Variants in PCDHGA1 observed in about 807,000 individuals in gnomAD.
PCDHGA1 encodes protocadherin gamma-A1.
Under a neutral mutation model 58.0 loss-of-function variants are expected in PCDHGA1, and 32 were observed. The ratio of observed to expected loss-of-function variants is 0.55; its 90% CI spans 0.42 to 0.74. PCDHGA1 has a LOEUF of 0.74. PCDHGA1 is among the 30% of genes least tolerant of loss of function. PCDHGA1 has a pLI of 0.00. For synonymous variants in PCDHGA1, 498 were observed against 501.1 expected (o/e 0.99, Z 0.08); for missense variants, 1,205 against 1,182.3 (o/e 1.02, Z -0.28).
At chr5:141,410,701 A>C in intron 1 of PCDHGA1, 2 of 1,471,660 alleles carry the variant, frequency 1.4e-6, no homozygotes, top group Non-Finnish European at 9.1e-7. Context: ...TTATTTTCAT[A>C]TCTAGAATCA....
intron 1 of PCDHGA1, among the ~76,000 whole-genome samples, chr5:141,400,876 T>G (rs1304937244): frequency 6.6e-6 from 1 of 152,230 alleles, no homozygotes; most frequent in East Asian, 1.9e-4. Flanking sequence ...ACCATTAAAT[T>G]TAATGTATGT....
At chr5:141,423,620 C>A in intron 1 of PCDHGA1, 1 of 1,608,268 alleles carries the variant, frequency 6.2e-7, no homozygotes, top group Non-Finnish European at 8.5e-7. Flanking sequence ...GCTGAAGACT[C>A]AGCTATCATT....
rs772876556 is a variant in PCDHGA1, at chr5:141,330,878, G to T, written c.194G>T (p.Arg65Leu). 20 of 1,614,068 alleles carry T rather than the reference G, an allele frequency of 1.2e-5. No individual in the cohort carries two copies. In the African/African-American group the frequency reaches 2.3e-4, roughly 18 times the overall value. The change falls in exon 1 of 4, where the codon CGC (arginine) becomes CTC (leucine). Residue 65 changes from arginine (R) to leucine (L), a missense_variant. By Grantham distance (102) the Arg-to-Leu change is moderately radical (BLOSUM62 -2). Transcript: ENST00000517417. ...QPQELADGGVRIVSRGRMPLF... is the reference protein window; with the variant it reads ...QPQELADGGVLIVSRGRMPLF... ...CAGGAGCTGGCAGATGGCGGAGTCC[G>T]CATCGTCTCCAGAGGTAGGATGCCG...
chr5:141,338,993 C>T (rs753861698), intron 1 of PCDHGA1: 4 of 1,545,694 alleles, frequency 2.6e-6, no homozygotes, highest in East Asian at 2.3e-5. Flanking sequence ...GCAAAAGTTG[C>T]CACACTGCAG....
chr5:141,500,104 T>C (rs917633032), intron 2 of PCDHGA1, among the ~76,000 whole-genome samples: 1 of 152,124 alleles, frequency 6.6e-6, no homozygotes, highest in Non-Finnish European at 1.5e-5. Context: ...AATTTATTTG[T>C]TGAATCCCTG....
chr5:141,338,739 G>A, intron 1 of PCDHGA1: 1 of 1,130,050 alleles, frequency 8.8e-7, no homozygotes, highest in Non-Finnish European at 1.1e-6. Flanking sequence ...CACCTAAGGA[G>A]TAAAAGGCAG....
rs758172004 is a variant in PCDHGA1, at chr5:141,477,909, C to T, written c.2422-16898C>T. On this transcript the variant is annotated intron_variant, in intron 1 of 3. Transcript: ENST00000517417. This position sits in a 1 kb window ranked among gnomAD's most constrained non-coding sequence, Gnocchi z 4.9. ...GTGTCACGGGTGGTAGGCTGGGACGCGGATGCAGGGCACAATGCCTGGCTC... is the reference window on the plus strand; with the variant it reads ...GTGTCACGGGTGGTAGGCTGGGACGTGGATGCAGGGCACAATGCCTGGCTC... 2 of 1,614,166 alleles carry T rather than the reference C, an allele frequency of 1.2e-6. No individual in the cohort carries two copies. Among genetic ancestry groups the T allele is most frequent in the Admixed American group, 1.7e-5 (1 of 60,016 alleles).
intron 1 of PCDHGA1, among the ~76,000 whole-genome samples, chr5:141,436,199 A>G (rs576607542): frequency 7.2e-5 from 11 of 152,282 alleles, no homozygotes; most frequent in East Asian, 5.8e-4. Context: ...AAAGAAAGAC[A>G]TAATAGGAAA....
intron 1 of PCDHGA1, among the ~76,000 whole-genome samples, chr5:141,466,735 T>C (rs2099128254): frequency 6.6e-6 from 1 of 152,224 alleles, no homozygotes; most frequent in South Asian, 2.1e-4. Context: ...GCAGAATTCA[T>C]GTTACTCTGA....
intron 1 of PCDHGA1, chr5:141,385,017 C>T: frequency 6.2e-7 from 1 of 1,614,188 alleles, no homozygotes; most frequent in Non-Finnish European, 8.5e-7. Context: ...TCTTCCTAGC[C>T]TTCGTCCTCG....
chr5:141,384,102 T>C, intron 1 of PCDHGA1: 1 of 1,599,484 alleles, frequency 6.3e-7, no homozygotes, highest in Non-Finnish European at 8.5e-7. Context: ...TAGATAATTA[T>C]TATAGATTGG....
chr5:141,343,841 C>T (rs923014432), intron 1 of PCDHGA1: 14 of 511,610 alleles, frequency 2.7e-5, no homozygotes, highest in Non-Finnish European at 4.1e-5. Context: ...CATTTCCTTG[C>T]TCCTAAAATG....
At chr5:141,346,151 C>A (rs1357721004) in intron 1 of PCDHGA1, 1 of 1,614,020 alleles carries the variant, frequency 6.2e-7, no homozygotes. Context: ...TCTTCCTGGC[C>A]TTCGTCATCG....
At chr5:141,499,136 G>A (rs1488844131) in intron 2 of PCDHGA1, among the ~76,000 whole-genome samples, 1 of 152,100 alleles carries the variant, frequency 6.6e-6, no homozygotes, top group Non-Finnish European at 1.5e-5. Flanking sequence ...CATCCTTTGG[G>A]TGTCTGATCC....
intron 1 of PCDHGA1, chr5:141,414,409 A>G: frequency 1.2e-6 from 2 of 1,613,870 alleles, no homozygotes; most frequent in Non-Finnish European, 8.5e-7. Flanking sequence ...GGTGATACAC[A>G]GAGCCCTTGA....
rs776827773 is a variant in PCDHGA1 at position 141,331,562 on chromosome 5, G to A, written c.878G>A (p.Arg293His). 3 of 1,614,076 alleles carry A rather than the reference G, an allele frequency of 1.9e-6. No individual in the cohort carries two copies. The highest frequency in any genetic ancestry group is 2.2e-5 in the South Asian group (2 of 91,084). Residue 293 changes from arginine (R) to histidine (H), a missense_variant, in exon 1 of 4, where the codon CGT becomes CAT. Arg to His is a conservative substitution (Grantham distance 29, BLOSUM62 0). Transcript: ENST00000517417. ...GACCACAGAGTGGCCCAAATATTTCGTTTAGATTCTTACACAGGAGAAATA... is the reference window on the plus strand; with the variant it reads ...GACCACAGAGTGGCCCAAATATTTCATTTAGATTCTTACACAGGAGAAATA... ...NVDHRVAQIF[R>H]LDSYTGEISN...
intron 2 of PCDHGA1, among the ~76,000 whole-genome samples, chr5:141,501,761 G>C (rs906778888): frequency 2.6e-5 from 4 of 152,090 alleles, no homozygotes; most frequent in African/African-American, 4.8e-5. Flanking sequence ...CTCAGTAAAT[G>C]GTTAAAAAAG....
intron 1 of PCDHGA1, chr5:141,345,839 C>T: frequency 6.2e-7 from 1 of 1,613,540 alleles, no homozygotes; most frequent in South Asian, 1.1e-5. Flanking sequence ...GCCAGAACGC[C>T]TGGCTGTCCT....
chr5:141,361,987 A>G (rs1194727117), intron 1 of PCDHGA1: 2 of 1,601,686 alleles, frequency 1.2e-6, no homozygotes, highest in African/African-American at 1.3e-5. Context: ...CGGGCTCTTC[A>G]GCCTGGGGTT....
Sources: gnomAD v4.1 joint callset for allele counts (sites outside exome capture counted in the v4.1 genomes callset) on GRCh38, gnomAD v4.1.1 for gene constraint, Gnocchi (gnomAD v3.1) non-coding constraint, MANE v1.5 for transcripts, NCBI Gene and HGNC (gene_info 2026-07-23, HGNC 2026-07-21) for gene names.